FRY: variants seen among roughly 807,000 people sequenced by gnomAD.
FRY encodes the protein FRY microtubule binding protein.
In FRY, 128 loss-of-function variants were observed where a neutral mutation model predicts 348.4. The observed-to-expected ratio is 0.37, with a 90% CI of 0.32 to 0.43. FRY has a LOEUF of 0.43. FRY is among the 20% of genes least tolerant of loss of function. FRY has a pLI of 1.00. For missense variants in FRY, 2,736 were observed against 3,695.2 expected (o/e 0.74, Z 6.73); for synonymous variants, 1,370 against 1,374.7 (o/e 1.00, Z 0.08).
Position 32,295,717 on chromosome 13 carries a change from T to C in FRY, c.*257T>C. ...CAAATGTGTTACATTTGACCGAGCA[T>C]ATGCAACTCGCTACTGAAGAAGTGA... On this transcript the variant is annotated 3_prime_UTR_variant, in exon 61 of 61. Coordinates refer to ENST00000542859, the MANE Select transcript of FRY (RefSeq NM_023037.3). 1.8e-6 allele frequency: 1 copy of C among 561,610 alleles called. No homozygotes were observed. Among genetic ancestry groups the C allele is most frequent in the Non-Finnish European group, 3.2e-6 (1 of 312,960 alleles). 34.8% of individuals were successfully genotyped at this position (561,610 alleles called of 1,614,324 possible).
chr13:32,207,550 A>C (rs571596657), intron 31 of FRY, among the ~76,000 whole-genome samples: 9 of 152,216 alleles, frequency 5.9e-5, no homozygotes, highest in African/African-American at 9.6e-5. Flanking sequence ...CCTTGGGACA[A>C]ATGAATGTTC....
intron 15 of FRY, among the ~76,000 whole-genome samples, chr13:32,156,234 C>T (rs1172748863): frequency 6.6e-6 from 1 of 152,200 alleles, no homozygotes; most frequent in Non-Finnish European, 1.5e-5. Context: ...CTGGATTCTA[C>T]AGACCTGAGA....
chr13:32,093,442 T>TTCTTTCCCGC (rs1296076497), intron 2 of FRY, among the ~76,000 whole-genome samples: 5 of 152,208 alleles, frequency 3.3e-5, no homozygotes, highest in African/African-American at 1.2e-4. Context: ...GGAAACGTCT[T>TTCTTTCCCGC]TCTTTCCCGC....
chr13:32,277,547 G>A (rs907670204), intron 57 of FRY, among the ~76,000 whole-genome samples: 1 of 152,110 alleles, frequency 6.6e-6, no homozygotes, highest in Admixed American at 6.5e-5. Flanking sequence ...CAGAGCTGTG[G>A]GATTCAAAGG....
At chr13:32,221,403 C>T (rs915019534) in intron 36 of FRY, among the ~76,000 whole-genome samples, 1 of 152,224 alleles carries the variant, frequency 6.6e-6, no homozygotes. Flanking sequence ...AGCCAAATAC[C>T]TGGGTTAAAT....
intron 4 of FRY, among the ~76,000 whole-genome samples, chr13:32,122,165 C>T (rs901449984): frequency 1.8e-4 from 27 of 152,034 alleles, no homozygotes; most frequent in East Asian, 1.9e-4. Flanking sequence ...TTAGACAGGC[C>T]GGGCGCAGTG....
chr13:32,127,646 G>A (rs1232031409), intron 7 of FRY, among the ~76,000 whole-genome samples: 1 of 152,008 alleles, frequency 6.6e-6, no homozygotes, highest in Non-Finnish European at 1.5e-5. Context: ...GGGAGTGGTG[G>A]CACGCACCTG....
At chr13:32,152,465 G>C (rs1880856061) in intron 14 of FRY, among the ~76,000 whole-genome samples, 1 of 152,114 alleles carries the variant, frequency 6.6e-6, no homozygotes, top group African/African-American at 2.4e-5. Context: ...TAGAAATCTA[G>C]AAATAGACTA....
In FRY at chr13:32,061,605, T is replaced by C. The variant is rs930166868; in HGVS notation, c.71-17229T>C. On this transcript the variant is annotated intron_variant, in intron 1 of 60. Coordinates refer to ENST00000542859, the MANE Select transcript of FRY (RefSeq NM_023037.3). ...ATTAATGTTAATGCCCTTACTTGTTTTGTTTTAAACATTGCAGTAGGCCTA... is the reference window on the plus strand; with the variant it reads ...ATTAATGTTAATGCCCTTACTTGTTCTGTTTTAAACATTGCAGTAGGCCTA... 2.0e-5 allele frequency among the ~76,000 whole-genome samples: 3 copies of C among 152,352 alleles called. No individual in the cohort carries two copies. In the East Asian group the frequency reaches 5.8e-4, roughly 29 times the overall value.
At chr13:32,269,550 C>T (rs1453314641) in intron 55 of FRY, among the ~76,000 whole-genome samples, 1 of 152,008 alleles carries the variant, frequency 6.6e-6, no homozygotes, top group African/African-American at 2.4e-5. Flanking sequence ...ATTAGCCAGG[C>T]GTGATGGGGC....
intron 2 of FRY, among the ~76,000 whole-genome samples, chr13:32,093,658 T>G (rs1311110942): frequency 5.3e-5 from 8 of 152,202 alleles, no homozygotes; most frequent in Non-Finnish European, 1.0e-4. Flanking sequence ...TCACTTTTTT[T>G]GTGCTGTGAG....
chr13:32,280,500 A>C (rs904125758), intron 58 of FRY, among the ~76,000 whole-genome samples: 1 of 152,238 alleles, frequency 6.6e-6, no homozygotes, highest in African/African-American at 2.4e-5. Flanking sequence ...AGTAGTACTC[A>C]TGGCTTGTCT....
intron 2 of FRY, among the ~76,000 whole-genome samples, chr13:32,080,789 C>T (rs1370707185): frequency 6.6e-6 from 1 of 152,044 alleles, no homozygotes; most frequent in African/African-American, 2.4e-5. Context: ...TGGTGAGGCA[C>T]AATAAAGATT....
rs1232326972 is a variant in FRY at position 32,166,582 on chromosome 13, G to A, written c.1893-4430G>A. Among the ~76,000 whole-genome samples, 5 of 152,052 alleles carry A rather than the reference G, an allele frequency of 3.3e-5. No homozygotes were observed. The East Asian group carries it at 9.6e-4, about 29-fold the overall frequency. On this transcript the variant is annotated intron_variant, in intron 17 of 60. Coordinates refer to ENST00000542859, the MANE Select transcript of FRY (RefSeq NM_023037.3). ...ATGTAAAATCCCATGTGTTTCACAA[G>A]ATCTTGATTATCTGGTCAAAATCTA...
At chr13:32,251,980 T>C in intron 50 of FRY, 28 bp downstream of exon 50, 1 of 1,456,612 alleles carries the variant, frequency 6.9e-7, no homozygotes, top group Non-Finnish European at 9.7e-7. Flanking sequence ...TCATAGTTAT[T>C]TTGGTGTCAT....
chr13:32,100,331 G>A (rs1382268201), intron 2 of FRY, among the ~76,000 whole-genome samples: 3 of 151,726 alleles, frequency 2.0e-5, no homozygotes, highest in South Asian at 2.1e-4. Context: ...TGCCCGCCTC[G>A]GCCTCCCAAA....
intron 23 of FRY, among the ~76,000 whole-genome samples, chr13:32,182,185 A>G (rs1882757403): frequency 6.6e-6 from 1 of 152,228 alleles, no homozygotes; most frequent in Non-Finnish European, 1.5e-5. Flanking sequence ...AACAAGCTAC[A>G]TCTTATCTTT....
intron 1 of FRY, among the ~76,000 whole-genome samples, chr13:32,072,414 G>C (rs569391903): frequency 6.6e-6 from 1 of 152,000 alleles, no homozygotes; most frequent in East Asian, 1.9e-4. Context: ...CAATCTTTTT[G>C]TGTTGCTGAA....
chr13:32,185,088 C>G lies in FRY; in HGVS notation c.3259C>G (p.Leu1087Val). The G allele has an allele frequency of 1.2e-6, 2 of 1,614,022 alleles. No homozygotes were observed. The highest frequency in any genetic ancestry group is 1.7e-6 in the Non-Finnish European group (2 of 1,179,892). The change falls in exon 26 of 61, where the codon CTT becomes GTT. Residue 1087 changes from leucine to valine, a missense_variant. Leu to Val is a conservative substitution (Grantham distance 32, BLOSUM62 1). Coordinates refer to ENST00000542859, the MANE Select transcript of FRY (RefSeq NM_023037.3). ...EAENDKEVEI[L>V]KDIRAHFSAM... ...TGAAAATGACAAAGAAGTTGAAATTCTTAAAGATATCCGGGCACATTTTAG... is the reference window on the plus strand; with the variant it reads ...TGAAAATGACAAAGAAGTTGAAATTGTTAAAGATATCCGGGCACATTTTAG...
Sources: gnomAD v4.1 joint callset for allele counts (sites outside exome capture counted in the v4.1 genomes callset) on GRCh38, gnomAD v4.1.1 for gene constraint, MANE v1.5 for transcripts, NCBI Gene and HGNC (gene_info 2026-07-23, HGNC 2026-07-21) for gene names.